The following GARIN5A variants were observed in gnomAD, a reference collection of about 807,000 sequenced individuals.
GARIN5A encodes the protein golgi associated RAB2 interactor 5A.
chr19:50,476,345 G>A, the GARIN5A span: 1 of 1,579,946 alleles, frequency 6.3e-7, no homozygotes, highest in Non-Finnish European at 8.6e-7. Context: ...TGACGTCCCT[G>A]GAGGGGGCGG....
chr19:50,471,861 T>C, the GARIN5A span, among the ~76,000 whole-genome samples: 9 of 151,718 alleles, frequency 5.9e-5, no homozygotes, highest in East Asian at 3.9e-4. Flanking sequence ...CATACATACA[T>C]GTGTATATGT....
the GARIN5A span, among the ~76,000 whole-genome samples, chr19:50,472,223 T>C: frequency 1.2e-5 from 1 of 81,998 alleles, no homozygotes; most frequent in South Asian, 4.4e-4. Context: ...TGTGTATGTA[T>C]ATATACATGT....
the GARIN5A span, chr19:50,475,741 T>C: frequency 9.7e-6 from 9 of 925,526 alleles, no homozygotes; most frequent in African/African-American, 8.1e-5. Flanking sequence ...TCCCACGAGA[T>C]GGACGTTATG....
At chr19:50,468,015 A>T in the GARIN5A span, among the ~76,000 whole-genome samples, 5 of 151,976 alleles carry the variant, frequency 3.3e-5, no homozygotes, top group Admixed American at 2.0e-4. Context: ...TTTGTCTCCC[A>T]CTAGTCCTCT....
chr19:50,468,310 C>T, the GARIN5A span, among the ~76,000 whole-genome samples: 1 of 146,568 alleles, frequency 6.8e-6, no homozygotes, highest in East Asian at 2.0e-4. Flanking sequence ...TGCAGTGAGC[C>T]GAGATCACGC....
At chr19:50,471,741 T>C in the GARIN5A span, among the ~76,000 whole-genome samples, 1 of 149,408 alleles carries the variant, frequency 6.7e-6, no homozygotes, top group Non-Finnish European at 1.5e-5. Flanking sequence ...CGTGTGTGTA[T>C]ACGCATACAT....
At chr19:50,472,412 A>T in the GARIN5A span, among the ~76,000 whole-genome samples, 1 of 151,984 alleles carries the variant, frequency 6.6e-6, no homozygotes, top group African/African-American at 2.4e-5. Context: ...GTGAGTCCTG[A>T]GGCCAAATTT....
At chr19:50,476,562 T>G in the GARIN5A span, 1 of 1,575,666 alleles carries the variant, frequency 6.3e-7, no homozygotes, top group South Asian at 1.1e-5. Context: ...CAGCCAGCGC[T>G]GGGGCAACCC....
the GARIN5A span, chr19:50,475,545 G>A: frequency 7.9e-7 from 1 of 1,266,458 alleles, no homozygotes; most frequent in Non-Finnish European, 1.1e-6. Flanking sequence ...TAGGGGAAAA[G>A]GTCATGAACC....
the GARIN5A span, among the ~76,000 whole-genome samples, chr19:50,471,095 G>A: frequency 1.3e-5 from 2 of 152,026 alleles, no homozygotes; most frequent in Admixed American, 1.3e-4. Flanking sequence ...CTCCTAAGTA[G>A]CTGGGACTAC....
the GARIN5A span, chr19:50,476,828 G>A: frequency 3.8e-6 from 2 of 528,010 alleles, no homozygotes; most frequent in South Asian, 5.2e-5. Flanking sequence ...GGCCTCGCCA[G>A]TGCACCGGGT....
the GARIN5A span, among the ~76,000 whole-genome samples, chr19:50,472,157 T>C: frequency 2.7e-5 from 4 of 150,484 alleles, no homozygotes; most frequent in South Asian, 2.1e-4. Context: ...CGTGTGTATA[T>C]GTATGTATAC....
the GARIN5A span, among the ~76,000 whole-genome samples, chr19:50,471,955 T>G: frequency 6.9e-6 from 1 of 145,250 alleles, no homozygotes; most frequent in Non-Finnish European, 1.5e-5. Context: ...TATATACATG[T>G]ATGTATGTAT....
At chr19:50,472,202 G>GTA in the GARIN5A span, among the ~76,000 whole-genome samples, 790 of 142,498 alleles carry the variant, frequency 5.5e-3, 51 homozygotes, top group African/African-American at 0.014. Context: ...ATGTGTGCAT[G>GTA]TATATACATG....
chr19:50,475,311 G>T, the GARIN5A span: 1 of 1,576,794 alleles, frequency 6.3e-7, no homozygotes. Flanking sequence ...CTCGGCTGAG[G>T]TGGGGGCAGT....
the GARIN5A span, among the ~76,000 whole-genome samples, chr19:50,473,206 T>C: frequency 1.3e-5 from 2 of 152,218 alleles, no homozygotes; most frequent in African/African-American, 2.4e-5. Context: ...AGCAATCTTT[T>C]GGATTTCAGA....
chr19:50,472,153 T>A, the GARIN5A span, among the ~76,000 whole-genome samples: 7 of 151,534 alleles, frequency 4.6e-5, no homozygotes, highest in East Asian at 1.4e-3. Context: ...TATACGTGTG[T>A]ATATGTATGT....
the GARIN5A span, chr19:50,476,252 G>A: frequency 2.5e-6 from 4 of 1,613,022 alleles, no homozygotes; most frequent in Non-Finnish European, 3.4e-6. Flanking sequence ...GAGAAAGCGA[G>A]GGGGCGGGAC....
the GARIN5A span, chr19:50,476,094 G>A: frequency 6.2e-7 from 1 of 1,611,268 alleles, no homozygotes; most frequent in Non-Finnish European, 8.5e-7. Context: ...TCCTTCACCA[G>A]GTCCAACCCC....
Sources: gnomAD v4.1 joint callset for allele counts (sites outside exome capture counted in the v4.1 genomes callset) on GRCh38, gnomAD v4.1.1 for gene constraint, MANE v1.5 for transcripts, NCBI Gene and HGNC (gene_info 2026-07-23, HGNC 2026-07-21) for gene names.